The following WWP2 variants were observed in gnomAD, a reference collection of about 807,000 sequenced individuals.
The protein encoded by WWP2 is NEDD4-like E3 ubiquitin-protein ligase WWP2.
A neutral mutation model predicts 121.0 loss-of-function variants in WWP2; 57 were observed. The observed-to-expected ratio is 0.47, with a 90% CI of 0.38 to 0.59. The LOEUF (loss-of-function observed/expected upper bound fraction) is 0.59, where lower values mean the gene tolerates loss of function less well. Ranked by LOEUF, WWP2 falls within the 20% of genes least tolerant of loss-of-function variation. The pLI, the probability that WWP2 is intolerant of heterozygous loss-of-function variation, is 0.00. For missense variants in WWP2, 962 were observed against 1,158.9 expected, an observed-to-expected ratio of 0.83 and a Z score of 2.47; for synonymous variants, 449 against 441.3, an observed-to-expected ratio of 1.02 and a Z score of -0.22.
At position 69,935,762 on chromosome 16, in the gene WWP2, G is replaced by A. The variant is rs57130040; in HGVS notation, c.1843-91G>A. The A allele has an allele frequency of 1.8e-3, 2,723 of 1,519,990 alleles. 35 individuals are homozygous for A. In the African/African-American group the frequency reaches 0.029, roughly 16 times the overall value. The allele number at this position is 1,519,990 out of a possible 1,614,324, so 94.2% of individuals were successfully genotyped here. On this transcript the variant is annotated intron_variant, in intron 17 of 23. Coordinates refer to ENST00000359154, the MANE Select transcript of WWP2 (RefSeq NM_001270454.2). The surrounding 1 kb of genome is among the most constrained non-coding windows in gnomAD (Gnocchi z 5.2). ...CTGTCAGGGAAGGAAGGCGGGTAGC[G>A]GTAGCAGAGTTTGATACCGAGCATC...
At chr16:69,822,862 C>T (rs1311113491) in intron 4 of WWP2, among the ~76,000 whole-genome samples, 2 of 152,180 alleles carry the variant, frequency 1.3e-5, no homozygotes, top group East Asian at 3.9e-4. Flanking sequence ...ATAGGCCAGG[C>T]ACCGTGGCTC....
rs577233118 is a variant in WWP2, at chr16:69,906,376, G to A, written c.915-2385G>A. 6.6e-5 allele frequency among the ~76,000 whole-genome samples: 10 copies of A among 152,108 alleles called. No individual in the cohort carries two copies. In the South Asian group the frequency reaches 1.0e-3, roughly 16 times the overall value. On this transcript the variant is annotated intron_variant, in intron 8 of 23. Transcript: ENST00000359154. Reference sequence around the variant, plus strand: ...TGTCAGCCACCGCACCCGGCCTTACGTATCTGTTTCTGGACTAGCTTCTGA... The same window carrying A: ...TGTCAGCCACCGCACCCGGCCTTACATATCTGTTTCTGGACTAGCTTCTGA...
chr16:69,940,385 A>T lies in WWP2; in HGVS notation c.*445A>T, dbSNP rs117730544. 8.2e-4 allele frequency: 135 copies of T among 163,808 alleles called. 1 individual carries two copies. The East Asian group carries it at 0.02, about 25-fold the overall frequency. 10.1% of individuals were successfully genotyped at this position (163,808 alleles called of 1,614,324 possible). ...CGCCAAGGGTCTTTGCCAGCAAAGGAGGTTCTGCCTGTAATTGAGCCTCTC... is the reference window on the plus strand; with the variant it reads ...CGCCAAGGGTCTTTGCCAGCAAAGGTGGTTCTGCCTGTAATTGAGCCTCTC... On this transcript the variant is annotated 3_prime_UTR_variant, in exon 24 of 24. Coordinates refer to ENST00000359154, the MANE Select transcript of WWP2 (RefSeq NM_001270454.2).
At chr16:69,803,230 A>G (rs999298429) in intron 4 of WWP2, among the ~76,000 whole-genome samples, 1 of 151,986 alleles carries the variant, frequency 6.6e-6, no homozygotes, top group Non-Finnish European at 1.5e-5. Context: ...CTCAATAAGA[A>G]GTATTTTAAA....
chr16:69,838,352 C>T (rs2056913658), intron 4 of WWP2, among the ~76,000 whole-genome samples: 2 of 151,722 alleles, frequency 1.3e-5, no homozygotes, highest in African/African-American at 4.8e-5. Context: ...TGCCTGACCA[C>T]ACCCCCTCTT....
At chr16:69,910,376 A>G (rs548963801) in intron 9 of WWP2, 36 of 982,512 alleles carry the variant, frequency 3.7e-5, no homozygotes, top group Non-Finnish European at 3.7e-5. Context: ...ACTTTATAAC[A>G]TGTGCACTTT....
chr16:69,901,975 G>T (rs1208069248), intron 8 of WWP2, among the ~76,000 whole-genome samples: 1 of 152,080 alleles, frequency 6.6e-6, no homozygotes, highest in African/African-American at 2.4e-5. Context: ...TATAAATAGA[G>T]AATTTATCTA....
chr16:69,842,609 T>C (rs531898483), intron 6 of WWP2, among the ~76,000 whole-genome samples: 1 of 152,230 alleles, frequency 6.6e-6, no homozygotes, highest in Non-Finnish European at 1.5e-5. Context: ...ATTGATTTGC[T>C]TAGGATAATG....
At chr16:69,918,845 CTT>C (rs113707256) in intron 10 of WWP2, among the ~76,000 whole-genome samples, 27 of 139,544 alleles carry the variant, frequency 1.9e-4, no homozygotes, top group Admixed American at 2.2e-4. Flanking sequence ...CCTTTTCTTT[CTT>C]TTTTTTTTTT....
rs1349843307 is a variant in WWP2, at chr16:69,937,068, C to T, written c.2118-50C>T. On this transcript the variant is annotated intron_variant, in intron 19 of 23. Transcript: ENST00000359154. This position sits in a 1 kb window ranked among gnomAD's most constrained non-coding sequence, Gnocchi z 6.6. ...GCCACGCGGCCTGGCCGGGAGCCAC[C>T]CCTGAGCAGTGGGTCTCAGACTCCA... 1.2e-6 allele frequency: 2 copies of T among 1,601,120 alleles called. No individual in the cohort carries two copies. The highest frequency in any genetic ancestry group is 2.7e-5 in the African/African-American group (2 of 74,648).
chr16:69,774,799 A>C (rs757454843), intron 1 of WWP2: 6 of 151,986 alleles, frequency 3.9e-5, no homozygotes, highest in Non-Finnish European at 8.8e-5. Context: ...GTAAAATCCT[A>C]TCTCTACTAA....
At chr16:69,847,286 T>C (rs1369129544) in intron 6 of WWP2, among the ~76,000 whole-genome samples, 2 of 151,908 alleles carry the variant, frequency 1.3e-5, no homozygotes, top group Non-Finnish European at 2.9e-5. Context: ...GGTTTCACCA[T>C]ATTGGTCAGG....
At chr16:69,867,042 G>T (rs1025664553) in intron 6 of WWP2, among the ~76,000 whole-genome samples, 1 of 151,620 alleles carries the variant, frequency 6.6e-6, no homozygotes, top group South Asian at 2.1e-4. Context: ...TGCCATGTTG[G>T]CCAGGCTGGT....
intron 5 of WWP2, among the ~76,000 whole-genome samples, chr16:69,840,771 T>A (rs2056963474): frequency 6.6e-6 from 1 of 152,242 alleles, no homozygotes; most frequent in South Asian, 2.1e-4. Flanking sequence ...CTGAAATTAG[T>A]CACCTTTGGA....
At chr16:69,915,166 TC>T (rs1355766787) in intron 9 of WWP2, among the ~76,000 whole-genome samples, 1 of 152,126 alleles carries the variant, frequency 6.6e-6, no homozygotes, top group Admixed American at 6.6e-5. Context: ...AGTGATAGGT[TC>T]TTGAAAACCA....
Position 69,830,202 on chromosome 16 carries a change from G to T in WWP2, c.341-9924G>T, listed in dbSNP as rs190214802. Among the ~76,000 whole-genome samples, 63 of 152,250 alleles carry T rather than the reference G, an allele frequency of 4.1e-4. 2 individuals carry two copies. In the East Asian group the frequency reaches 0.011, roughly 26 times the overall value. ...ACTCCAGCGCTCAGGCGATCTCTCT[G>T]CCTTGGCCTCCCAAAGAGCTGGGAT... On this transcript the variant is annotated intron_variant, in intron 4 of 23. Transcript: ENST00000359154.
chr16:69,817,983 G>T (rs2056527007), intron 4 of WWP2, among the ~76,000 whole-genome samples: 1 of 151,898 alleles, frequency 6.6e-6, no homozygotes, highest in African/African-American at 2.4e-5. Flanking sequence ...CAGAAGGTGG[G>T]CGTGTTTCAA....
chr16:69,851,235 C>G (rs1037749769), intron 6 of WWP2, among the ~76,000 whole-genome samples: 1 of 151,300 alleles, frequency 6.6e-6, no homozygotes, highest in African/African-American at 2.4e-5. Context: ...CCAGGCTGGT[C>G]TTGAACTCCT....
intron 22 of WWP2, 21 bp downstream of exon 22, chr16:69,939,144 T>A: frequency 6.3e-7 from 1 of 1,584,058 alleles, no homozygotes; most frequent in Admixed American, 1.8e-5. Context: ...TCTCGCCCTC[T>A]GGCGTCCTGG....
Sources: allele counts gnomAD v4.1 joint callset (sites outside exome capture counted in the v4.1 genomes callset), GRCh38; gene constraint gnomAD v4.1.1; non-coding constraint Gnocchi (gnomAD v3.1); transcripts MANE v1.5; gene names NCBI Gene and HGNC (gene_info 2026-07-23, HGNC 2026-07-21).